The following CEP112 variants were observed in gnomAD, a reference collection of about 807,000 sequenced individuals.
The protein encoded by CEP112 is centrosomal protein 112.
A neutral mutation model predicts 153.0 loss-of-function variants in CEP112; 127 were observed. The ratio of observed to expected loss-of-function variants is 0.83; its 90% CI spans 0.72 to 0.96. The LOEUF is 0.96. Ranked by LOEUF, CEP112 falls within the 40% of genes least tolerant of loss-of-function variation. The pLI is 0.00. For missense variants in CEP112, 1,089 were observed against 1,101.2 expected (o/e 0.99, Z 0.16); for synonymous variants, 358 against 374.4 (o/e 0.96, Z 0.51).
chr17:65,649,946 G>C (rs1433471685), intron 24 of CEP112, among the ~76,000 whole-genome samples: 1 of 152,110 alleles, frequency 6.6e-6, no homozygotes, highest in Non-Finnish European at 1.5e-5. Flanking sequence ...TGCTTTTCAA[G>C]CAGAATTTGC....
At chr17:65,770,522 T>G (rs372280620) in intron 21 of CEP112, among the ~76,000 whole-genome samples, 1 of 152,068 alleles carries the variant, frequency 6.6e-6, no homozygotes, top group Non-Finnish European at 1.5e-5. Context: ...TGATACTAAA[T>G]GGAAACCTGG....
rs2054882303 is a variant in CEP112 at position 65,795,863 on chromosome 17, A to G, written c.2395-45139T>C. On this transcript the variant is annotated intron_variant, in intron 21 of 26. Coordinates refer to ENST00000535342, the MANE Select transcript of CEP112 (RefSeq NM_001199165.4). ...AAAATAAAACTTACCATTTTATTCC[A>G]CTAAAAAATCTTCAATGGTGCCTAA... 3.3e-5 allele frequency among the ~76,000 whole-genome samples: 5 copies of G among 152,140 alleles called. No homozygotes were observed. The South Asian group carries it at 1.0e-3, about 32-fold the overall frequency.
intron 4 of CEP112, among the ~76,000 whole-genome samples, chr17:66,142,538 A>T (rs1175215133): frequency 2.0e-5 from 3 of 152,184 alleles, no homozygotes; most frequent in Non-Finnish European, 4.4e-5. Context: ...ATGGTGCAAG[A>T]TAAGGGCCAA....
chr17:65,697,992 T>G (rs2144538838), intron 23 of CEP112, among the ~76,000 whole-genome samples: 1 of 152,026 alleles, frequency 6.6e-6, no homozygotes, highest in East Asian at 1.9e-4. Flanking sequence ...AGGTTTTCAG[T>G]TTTTTTTCAC....
chr17:65,904,841 G>A (rs1034584536), intron 19 of CEP112, among the ~76,000 whole-genome samples: 15 of 152,036 alleles, frequency 9.9e-5, no homozygotes, highest in Non-Finnish European at 1.5e-4. Flanking sequence ...TGACAAAAAC[G>A]AGCAATGGAG....
intron 17 of CEP112, among the ~76,000 whole-genome samples, chr17:65,991,312 T>C (rs2145253869): frequency 6.6e-6 from 1 of 152,272 alleles, no homozygotes; most frequent in East Asian, 1.9e-4. Context: ...CCCAACTCTA[T>C]ACAGTATCTA....
At chr17:66,053,627 T>C (rs945253655) in intron 12 of CEP112, 109 bp downstream of exon 12, 19 of 1,136,302 alleles carry the variant, frequency 1.7e-5, no homozygotes, top group Non-Finnish European at 2.0e-5. Context: ...AGTTTTTCTT[T>C]TGATTCTGTA....
intron 5 of CEP112, 58 bp downstream of exon 5, chr17:66,132,612 T>C (rs1750099457): frequency 8.5e-7 from 1 of 1,177,844 alleles, no homozygotes; most frequent in Admixed American, 1.7e-5. Flanking sequence ...ATTAAAACTT[T>C]GTTCAGCTAT....
intron 20 of CEP112, among the ~76,000 whole-genome samples, chr17:65,871,646 T>A (rs186493666): frequency 9.4e-4 from 143 of 152,202 alleles, no homozygotes; most frequent in African/African-American, 2.6e-3. Flanking sequence ...ATAAATAAAT[T>A]AATTAATTAA....
intron 17 of CEP112, among the ~76,000 whole-genome samples, chr17:65,980,599 A>G (rs918864862): frequency 6.6e-6 from 1 of 152,132 alleles, no homozygotes; most frequent in Non-Finnish European, 1.5e-5. Context: ...CCTTCCTTCA[A>G]AACTTAGCTT....
chr17:65,920,904 A>G (rs2060701788), intron 19 of CEP112, among the ~76,000 whole-genome samples: 1 of 152,076 alleles, frequency 6.6e-6, no homozygotes, highest in African/African-American at 2.4e-5. Flanking sequence ...TTTATATTCA[A>G]CCTCAATAAA....
intron 12 of CEP112, among the ~76,000 whole-genome samples, chr17:66,036,131 A>T (rs1211222748): frequency 1.3e-5 from 2 of 152,254 alleles, no homozygotes; most frequent in Admixed American, 1.3e-4. Context: ...CAAACACTGC[A>T]TGATTCCAGT....
intron 17 of CEP112, among the ~76,000 whole-genome samples, chr17:65,985,555 A>G (rs1019194164): frequency 3.2e-4 from 49 of 152,174 alleles, no homozygotes; most frequent in Non-Finnish European, 7.4e-5. Flanking sequence ...TAATTTTTTA[A>G]GGGATAAAAG....
At chr17:65,776,265 C>T (rs778828340) in intron 21 of CEP112, among the ~76,000 whole-genome samples, 1 of 152,144 alleles carries the variant, frequency 6.6e-6, no homozygotes, top group Non-Finnish European at 1.5e-5. Context: ...GACGGAGTCT[C>T]GCTCTGTCGC....
intron 20 of CEP112, among the ~76,000 whole-genome samples, chr17:65,871,929 C>T (rs1488171580): frequency 6.6e-6 from 1 of 152,202 alleles, no homozygotes; most frequent in Admixed American, 6.5e-5. Flanking sequence ...AACGAAGCAA[C>T]CCCATGGGAC....
intron 23 of CEP112, among the ~76,000 whole-genome samples, chr17:65,734,579 A>C (rs2050692658): frequency 6.6e-6 from 1 of 152,042 alleles, no homozygotes; most frequent in Admixed American, 6.6e-5. Context: ...TTTCCAAAGC[A>C]AAAAAAATTA....
At position 66,084,949 on chromosome 17, in the gene CEP112, C is replaced by T. The variant is rs185187540; in HGVS notation, c.768+11302G>A. Among the ~76,000 whole-genome samples, 363 of 152,056 alleles carry T rather than the reference C, an allele frequency of 2.4e-3. 3 individuals carry two copies. Among genetic ancestry groups the T allele is most frequent in the African/African-American group, 8.3e-3 (344 of 41,478 alleles). ...CACAAATATATACACCTACTATGTA[C>T]GCACAAAAATTCAAAATTAATTTTA... On this transcript the variant is annotated intron_variant, in intron 8 of 26. Transcript: ENST00000535342.
At chr17:65,779,372 A>G (rs2053875310) in intron 21 of CEP112, among the ~76,000 whole-genome samples, 1 of 152,212 alleles carries the variant, frequency 6.6e-6, no homozygotes, top group South Asian at 2.1e-4. Context: ...GGAAGTGAGC[A>G]AACATTTGTG....
At chr17:65,670,749 T>G (rs1210462415) in intron 24 of CEP112, among the ~76,000 whole-genome samples, 1 of 152,210 alleles carries the variant, frequency 6.6e-6, no homozygotes, top group Non-Finnish European at 1.5e-5. Context: ...TTTTAAGGAT[T>G]AATGAAAACT....
Sources: allele counts gnomAD v4.1 joint callset (sites outside exome capture counted in the v4.1 genomes callset), GRCh38; gene constraint gnomAD v4.1.1; transcripts MANE v1.5; gene names NCBI Gene and HGNC (gene_info 2026-07-23, HGNC 2026-07-21).